The following WDR25 variants were observed in gnomAD, a reference collection of about 807,000 sequenced individuals.
WDR25 encodes the protein WD repeat domain 25.
In WDR25, 35 loss-of-function variants were observed where a neutral mutation model predicts 47.7. That is an observed-to-expected ratio of 0.73 (90% CI 0.56 to 0.97). The LOEUF (loss-of-function observed/expected upper bound fraction) is 0.97, where lower values mean the gene tolerates loss of function less well. Among genes scored for constraint, WDR25 ranks in the 50% least tolerant of loss-of-function variants. WDR25 has a pLI of 0.00. For missense variants in WDR25, 634 were observed against 704.7 expected, an observed-to-expected ratio of 0.90 and a Z score of 1.14; for synonymous variants, 248 against 278.9, an observed-to-expected ratio of 0.89 and a Z score of 1.10.
rs1900796687 is a variant in WDR25, at chr14:100,498,176, T to C, written c.1101+14052T>C. On this transcript the variant is annotated intron_variant, in intron 4 of 6. Coordinates refer to ENST00000402312, the MANE Select transcript of WDR25 (RefSeq NM_001161476.3). The surrounding 1 kb of genome is among the most constrained non-coding windows in gnomAD (Gnocchi z 4.2). ...ACGGATGTTCCATGTACCCTGTCAGTGGGCAGGCTTTCCTGGCAGCCACAG... is the reference window on the plus strand; with the variant it reads ...ACGGATGTTCCATGTACCCTGTCAGCGGGCAGGCTTTCCTGGCAGCCACAG... Among the ~76,000 whole-genome samples the C allele has an allele frequency of 6.6e-6, 1 of 152,246 alleles. No homozygotes were observed. Among genetic ancestry groups the C allele is most frequent in the African/African-American group, 2.4e-5 (1 of 41,468 alleles).
Position 100,484,059 on chromosome 14 carries a change from C to G in WDR25, c.1036C>G (p.His346Asp). The G allele has an allele frequency of 6.2e-7, 1 of 1,613,496 alleles. No homozygotes were observed. The highest frequency in any genetic ancestry group is 8.5e-7 in the Non-Finnish European group (1 of 1,179,800). The change falls in exon 4 of 7, where the codon CAC becomes GAC. Residue 346 changes from histidine to aspartate, a missense_variant. His to Asp is a moderately conservative substitution (Grantham distance 81, BLOSUM62 -1). Coordinates refer to ENST00000402312, the MANE Select transcript of WDR25 (RefSeq NM_001161476.3). ...TACCTTGAAATTCCATCCAAAAGAC[C>G]ACAACATCTTTTTATGTGGAGGCTT... is the stretch of plus-strand genomic sequence containing the variant. ...ITTLKFHPKD[H>D]NIFLCGGFSS...
At chr14:100,409,360 G>C (rs527881982) in intron 2 of WDR25, among the ~76,000 whole-genome samples, 3 of 152,170 alleles carry the variant, frequency 2.0e-5, no homozygotes, top group Non-Finnish European at 1.5e-5. Flanking sequence ...GAATCAGTTA[G>C]GAATATTGGC....
intron 2 of WDR25, among the ~76,000 whole-genome samples, chr14:100,453,500 C>T (rs2140271032): frequency 6.6e-6 from 1 of 152,338 alleles, no homozygotes; most frequent in East Asian, 1.9e-4. Flanking sequence ...GCATGTGTGG[C>T]ATGTAGTAAC....
intron 3 of WDR25, chr14:100,480,880 G>A (rs140451786): frequency 1.1e-5 from 3 of 275,316 alleles, no homozygotes; most frequent in South Asian, 3.8e-5. Flanking sequence ...GAAAATGTCC[G>A]GGCAGCCCAG....
intron 2 of WDR25, among the ~76,000 whole-genome samples, chr14:100,401,285 C>T (rs932902718): frequency 4.6e-5 from 7 of 152,156 alleles, no homozygotes; most frequent in Non-Finnish European, 7.4e-5. Context: ...CCGGCCTCCT[C>T]GTGGTCTCAG....
rs1326737955 is a variant in WDR25, at chr14:100,525,704, G to A, written c.1102-166G>A. Among the ~76,000 whole-genome samples the A allele has an allele frequency of 1.3e-5, 2 of 152,130 alleles. No homozygotes were observed. Among genetic ancestry groups the A allele is most frequent in the Non-Finnish European group, 2.9e-5 (2 of 68,022 alleles). On this transcript the variant is annotated intron_variant, in intron 4 of 6. Coordinates refer to ENST00000402312, the MANE Select transcript of WDR25 (RefSeq NM_001161476.3). This position sits in a 1 kb window ranked among gnomAD's most constrained non-coding sequence, Gnocchi z 4.6. Reference sequence around the variant, plus strand: ...CACTGGACTGGGCATGGGGCAGGAGGGTCCATGATTCCATATATGGCTTGT... The same window carrying A: ...CACTGGACTGGGCATGGGGCAGGAGAGTCCATGATTCCATATATGGCTTGT...
intron 2 of WDR25, among the ~76,000 whole-genome samples, chr14:100,434,579 G>T (rs907028960): frequency 2.7e-4 from 41 of 152,154 alleles, no homozygotes; most frequent in Non-Finnish European, 5.1e-4. Context: ...ATACAATTTG[G>T]TTCCTTTGTT....
intron 4 of WDR25, among the ~76,000 whole-genome samples, chr14:100,496,671 C>T (rs1389843588): frequency 6.6e-6 from 1 of 152,048 alleles, no homozygotes; most frequent in East Asian, 1.9e-4. Flanking sequence ...AATATACTGG[C>T]TGTATTTTAA....
intron 2 of WDR25, chr14:100,454,671 T>G (rs893607778): frequency 2.2e-5 from 8 of 369,086 alleles, no homozygotes; most frequent in African/African-American, 1.3e-4. Context: ...AAGCATAGGC[T>G]CCAGTCTGTG....
At position 100,488,208 on chromosome 14, in the gene WDR25, C is replaced by T. The variant is rs924437101; in HGVS notation, c.1101+4084C>T. On this transcript the variant is annotated intron_variant, in intron 4 of 6. Transcript: ENST00000402312. The surrounding 1 kb of genome is among the most constrained non-coding windows in gnomAD (Gnocchi z 4.2). ...AGTGCCTGACTTCATCTCCAGAGGTCGGCAGGATGTGTTCTGCACAAGCCA... is the reference window on the plus strand; with the variant it reads ...AGTGCCTGACTTCATCTCCAGAGGTTGGCAGGATGTGTTCTGCACAAGCCA... Among the ~76,000 whole-genome samples the T allele has an allele frequency of 1.3e-5, 2 of 152,112 alleles. No individual in the cohort carries two copies. The highest frequency in any genetic ancestry group is 6.6e-5 in the Admixed American group (1 of 15,264).
intron 4 of WDR25, among the ~76,000 whole-genome samples, chr14:100,524,324 C>T (rs758932997): frequency 5.9e-5 from 9 of 152,030 alleles, no homozygotes; most frequent in African/African-American, 1.9e-4. Flanking sequence ...CAGCACCTAA[C>T]GGGCACTCAG....
chr14:100,520,276 A>G (rs2140381287), intron 4 of WDR25, among the ~76,000 whole-genome samples: 1 of 152,010 alleles, frequency 6.6e-6, no homozygotes, highest in East Asian at 1.9e-4. Flanking sequence ...GATTTTTCCA[A>G]TTCAAATTTA....
intron 4 of WDR25, among the ~76,000 whole-genome samples, chr14:100,493,049 G>A (rs748913095): frequency 2.0e-5 from 3 of 152,186 alleles, no homozygotes; most frequent in Admixed American, 6.5e-5. Flanking sequence ...GGCCTCAAGC[G>A]ATTCTCCTGC....
intron 4 of WDR25, among the ~76,000 whole-genome samples, chr14:100,517,905 C>T (rs1376829627): frequency 1.3e-5 from 2 of 152,090 alleles, no homozygotes; most frequent in Non-Finnish European, 2.9e-5. Flanking sequence ...GCCTTTTTAC[C>T]CCCTACCCTG....
intron 2 of WDR25, among the ~76,000 whole-genome samples, chr14:100,453,860 T>A (rs1899118719): frequency 6.6e-6 from 1 of 152,240 alleles, no homozygotes; most frequent in Non-Finnish European, 1.5e-5. Flanking sequence ...ACATCTTCTG[T>A]TGACATTTAA....
At position 100,523,030 on chromosome 14, in the gene WDR25, G is replaced by A. The variant is rs564522866; in HGVS notation, c.1102-2840G>A. ...CTGTGAGTGAATGTCATCTCACCCG[G>A]GGGTCCTGGGAGAGCCAGTGGCAAA... On this transcript the variant is annotated intron_variant, in intron 4 of 6. Coordinates refer to ENST00000402312, the MANE Select transcript of WDR25 (RefSeq NM_001161476.3). The surrounding 1 kb of genome is among the most constrained non-coding windows in gnomAD (Gnocchi z 4.7). 2.0e-5 allele frequency among the ~76,000 whole-genome samples: 3 copies of A among 152,328 alleles called. No individual in the cohort carries two copies. Among genetic ancestry groups the A allele is most frequent in the Admixed American group, 2.0e-4 (3 of 15,308 alleles).
rs1566941358 is a variant in WDR25, at chr14:100,506,815, A to T, written c.1102-19055A>T. 1.3e-5 allele frequency among the ~76,000 whole-genome samples: 2 copies of T among 152,004 alleles called. 1 individual carries two copies. The stretch of plus-strand genomic sequence containing the variant: ...GTTTCTTATAGATTCTGGATATTAC[A>T]GCTTTGTCAGATGCGTAGTTTGCAA... On this transcript the variant is annotated intron_variant, in intron 4 of 6. Transcript: ENST00000402312. This position sits in a 1 kb window ranked among gnomAD's most constrained non-coding sequence, Gnocchi z 4.8.
intron 1 of WDR25, among the ~76,000 whole-genome samples, chr14:100,380,242 G>A (rs955727293): frequency 1.3e-5 from 2 of 149,374 alleles, no homozygotes; most frequent in Non-Finnish European, 3.0e-5. Context: ...GAGATGGGGT[G>A]TCACTATGTT....
At chr14:100,395,945 G>A (rs895355315) in intron 2 of WDR25, among the ~76,000 whole-genome samples, 3 of 150,050 alleles carry the variant, frequency 2.0e-5, no homozygotes, top group South Asian at 2.1e-4. Context: ...CTAAATCAAA[G>A]TGATGATTGT....
Sources: gnomAD v4.1 joint callset for allele counts (sites outside exome capture counted in the v4.1 genomes callset) on GRCh38, gnomAD v4.1.1 for gene constraint, Gnocchi (gnomAD v3.1) non-coding constraint, MANE v1.5 for transcripts, NCBI Gene and HGNC (gene_info 2026-07-23, HGNC 2026-07-21) for gene names.